GARRE1: variants seen among roughly 807,000 people sequenced by gnomAD.
The protein encoded by GARRE1 is granule associated Rac and RHOG effector protein 1.
A neutral mutation model predicts 103.2 loss-of-function variants in GARRE1; 49 were observed. The observed-to-expected ratio is 0.47, with a 90% CI of 0.38 to 0.60. The LOEUF is 0.60. GARRE1 is among the 20% of genes least tolerant of loss of function. GARRE1 has a pLI of 0.00. For missense variants in GARRE1, 1,199 were observed against 1,370.5 expected, an observed-to-expected ratio of 0.87 and a Z score of 1.98; for synonymous variants, 505 against 532.8, an observed-to-expected ratio of 0.95 and a Z score of 0.72.
rs748036075 is a variant in GARRE1, at chr19:34,352,831, C to A, written c.3089C>A (p.Ala1030Asp). The A allele has an allele frequency of 1.1e-5, 17 of 1,611,524 alleles. No homozygotes were observed. Among genetic ancestry groups the A allele is most frequent in the Non-Finnish European group, 1.4e-5 (16 of 1,178,904 alleles). Residue 1030 changes from alanine (A) to aspartate (D), a missense_variant, in exon 14 of 14, where the codon GCC (alanine) becomes GAC (aspartate). Coordinates refer to ENST00000299505, the MANE Select transcript of GARRE1 (RefSeq NM_014686.5). ...WAATNDCSAA[A>D]FSYVQTPPQP... ...GCAACCAACGACTGCAGTGCCGCTG[C>A]CTTCTCCTATGTGCAGACCCCACCC... is the stretch of plus-strand genomic sequence containing the variant.
chr19:34,318,905 G>C (rs2074072103), intron 2 of GARRE1, among the ~76,000 whole-genome samples: 1 of 152,058 alleles, frequency 6.6e-6, no homozygotes. Context: ...AGCCGGGTGT[G>C]ATAGTGCACC....
chr19:34,299,524 A>G (rs1042127317), intron 1 of GARRE1, among the ~76,000 whole-genome samples, 155 bp from the exon 2 acceptor site: 1 of 152,212 alleles, frequency 6.6e-6, no homozygotes, highest in African/African-American at 2.4e-5. Context: ...TCATCATTTC[A>G]TAGTTCAGTG....
chr19:34,319,657 ATGGGAAGAATTATTTCAACCT>A (rs1288171389), intron 2 of GARRE1, among the ~76,000 whole-genome samples: 4 of 152,168 alleles, frequency 2.6e-5, no homozygotes. Flanking sequence ...TTGGTGGGAA[ATGGGAAGAATTATTTCAACCT>A]TGGGCCTTGT....
intron 12 of GARRE1, among the ~76,000 whole-genome samples, chr19:34,350,513 CT>C (rs1286142658): frequency 6.6e-6 from 1 of 152,198 alleles, no homozygotes; most frequent in Non-Finnish European, 1.5e-5. Context: ...TTGTAACAGA[CT>C]TTCATGTGAT....
At chr19:34,257,693 A>G (rs1243291329) in intron 1 of GARRE1, among the ~76,000 whole-genome samples, 2 of 152,186 alleles carry the variant, frequency 1.3e-5, no homozygotes, top group African/African-American at 2.4e-5. Context: ...GAAAAACAGC[A>G]ACAGGTTGTG....
At chr19:34,332,604 A>G (rs2074142793) in intron 7 of GARRE1, among the ~76,000 whole-genome samples, 1 of 152,208 alleles carries the variant, frequency 6.6e-6, no homozygotes, top group Non-Finnish European at 1.5e-5. Context: ...AACAATGGCT[A>G]TTCCTTTGAC....
intron 1 of GARRE1, among the ~76,000 whole-genome samples, chr19:34,256,950 A>G (rs1049086850): frequency 2.0e-5 from 3 of 152,168 alleles, no homozygotes; most frequent in Non-Finnish European, 4.4e-5. Context: ...CTTGCTGACA[A>G]GATAACAAAC....
chr19:34,342,257 C>T lies in GARRE1; in HGVS notation c.2323C>T (p.Leu775Phe). Reference sequence around the variant, plus strand: ...GGCTGTTGGAGCAGGTCTGTCTCCTCTTGGTCAGTGGCCTGGCATATCTGA... The same window carrying T: ...GGCTGTTGGAGCAGGTCTGTCTCCTTTTGGTCAGTGGCCTGGCATATCTGA... ...AQAVGAGLSP[L>F]GQWPGISDLS... The change falls in exon 10 of 14, where the codon CTT becomes TTT. Residue 775 changes from leucine to phenylalanine, a missense_variant. By Grantham distance (22) the Leu-to-Phe change is conservative (BLOSUM62 0). Transcript: ENST00000299505. 1 of 1,614,226 alleles carries T rather than the reference C, an allele frequency of 6.2e-7. No homozygotes were observed. The highest frequency in any genetic ancestry group is 8.5e-7 in the Non-Finnish European group (1 of 1,180,046).
Position 34,300,203 on chromosome 19 carries a change from A to G in GARRE1, c.-271A>G, listed in dbSNP as rs987103855. 1.1e-5 allele frequency: 4 copies of G among 377,478 alleles called. No homozygotes were observed. The Admixed American group carries it at 1.6e-4, about 15-fold the overall frequency. 23.4% of individuals were successfully genotyped at this position (377,478 alleles called of 1,614,324 possible). A position where few individuals can be genotyped will look rare whatever the true frequency, so the allele number is the denominator to read the frequency against. Reference sequence around the variant, plus strand: ...TTCTCAGCAAGCATATCCTTTTAGTAAGAGAGTGGAATGCTAAACAGTTCT... The same window carrying G: ...TTCTCAGCAAGCATATCCTTTTAGTGAGAGAGTGGAATGCTAAACAGTTCT... On this transcript the variant is annotated 5_prime_UTR_variant, in exon 2 of 14. Transcript: ENST00000299505.
rs776076607 is a variant in GARRE1, at chr19:34,300,780, A to T, written c.307A>T (p.Thr103Ser). The T allele has an allele frequency of 9.3e-6, 15 of 1,614,034 alleles. No homozygotes were observed. Among genetic ancestry groups the T allele is most frequent in the Non-Finnish European group, 1.3e-5 (15 of 1,179,992 alleles). Residue 103 changes from threonine to serine, a missense_variant, in exon 2 of 14, where the codon ACT becomes TCT. By Grantham distance (58) the Thr-to-Ser change is moderately conservative. Coordinates refer to ENST00000299505, the MANE Select transcript of GARRE1 (RefSeq NM_014686.5). ...TACTTTCCTCACAGATCTCTTCAGC[A>T]CTGTGTTCAGGAACTCTCACTACTC... ...ASTFLTDLFS[T>S]VFRNSHYSKA... is the part of the protein sequence containing the mutation.
At chr19:34,337,508 CA>C (rs1471452057) in intron 8 of GARRE1, among the ~76,000 whole-genome samples, 1 of 152,122 alleles carries the variant, frequency 6.6e-6, no homozygotes, top group Non-Finnish European at 1.5e-5. Context: ...ACACTTCAGG[CA>C]GAAAGAATGC....
At chr19:34,319,741 CA>C (rs1372170188) in intron 2 of GARRE1, among the ~76,000 whole-genome samples, 165 bp from the exon 3 acceptor site, 1 of 151,452 alleles carries the variant, frequency 6.6e-6, no homozygotes, top group Admixed American at 6.6e-5. Context: ...GGTCCAAACA[CA>C]AAAACAAAGG....
At chr19:34,266,741 A>G (rs2073754214) in intron 1 of GARRE1, among the ~76,000 whole-genome samples, 2 of 152,178 alleles carry the variant, frequency 1.3e-5, no homozygotes, top group South Asian at 2.1e-4. Flanking sequence ...TTATTGATAG[A>G]ATTTTTTATG....
At chr19:34,343,304 A>G (rs1445858776) in intron 10 of GARRE1, among the ~76,000 whole-genome samples, 1 of 152,012 alleles carries the variant, frequency 6.6e-6, no homozygotes, top group Non-Finnish European at 1.5e-5. Context: ...AAAATTAAAC[A>G]AAATTAGCTG....
chr19:34,259,963 T>C (rs2073705417), intron 1 of GARRE1, among the ~76,000 whole-genome samples: 2 of 152,220 alleles, frequency 1.3e-5, no homozygotes, highest in South Asian at 4.1e-4. Context: ...GAAGGACGTG[T>C]TTGCTTCCCC....
intron 1 of GARRE1, among the ~76,000 whole-genome samples, chr19:34,284,990 G>A (rs540715318): frequency 1.3e-5 from 2 of 152,288 alleles, no homozygotes; most frequent in African/African-American, 4.8e-5. Context: ...CCAGGAGGCA[G>A]AGGTTACAGT....
intron 2 of GARRE1, among the ~76,000 whole-genome samples, chr19:34,306,497 C>T (rs906378519): frequency 2.0e-5 from 3 of 152,188 alleles, no homozygotes; most frequent in Non-Finnish European, 4.4e-5. Context: ...GCCACCCTGC[C>T]TTGGAACCAG....
At chr19:34,255,419 C>T (rs1262111965) in intron 1 of GARRE1, among the ~76,000 whole-genome samples, 1 of 152,204 alleles carries the variant, frequency 6.6e-6, no homozygotes. Flanking sequence ...ATTATAAAAG[C>T]AGTTAATTCT....
chr19:34,256,966 A>G (rs1039656919), intron 1 of GARRE1, among the ~76,000 whole-genome samples: 2 of 152,064 alleles, frequency 1.3e-5, no homozygotes, highest in African/African-American at 2.4e-5. Context: ...CAAACTCCAT[A>G]TGAAGAGTTC....
Sources: allele counts gnomAD v4.1 joint callset (sites outside exome capture counted in the v4.1 genomes callset), GRCh38; gene constraint gnomAD v4.1.1; transcripts MANE v1.5; gene names NCBI Gene and HGNC (gene_info 2026-07-23, HGNC 2026-07-21).